SOX5: variants seen among roughly 807,000 people sequenced by gnomAD.
SOX5 encodes transcription factor SOX-5.
A neutral mutation model predicts 92.0 loss-of-function variants in SOX5; 9 were observed. The ratio of observed to expected loss-of-function variants is 0.10; its 90% confidence interval spans 0.06 to 0.17. SOX5 has a LOEUF of 0.17. Ranked by LOEUF, SOX5 falls within the 10% of genes least tolerant of loss-of-function variation. The pLI, the probability that SOX5 is intolerant of heterozygous loss-of-function variation, is 1.00. For missense variants in SOX5, 642 were observed against 944.5 expected, an observed-to-expected ratio of 0.68 and a Z score of 4.20; for synonymous variants, 344 against 336.3, an observed-to-expected ratio of 1.02 and a Z score of -0.25.
In SOX5 at chr12:23,530,812, T is replaced by TGTGTGTGTGTGTGTGG; in HGVS notation, c.*3406_*3407insCCACACACACACACAC. The TGTGTGTGTGTGTGTGG allele has an allele frequency of 7.3e-6, 1 of 137,358 alleles. No individual in the cohort carries two copies. The highest frequency in any genetic ancestry group is 1.6e-5 in the Non-Finnish European group (1 of 62,156). 8.5% of individuals were successfully genotyped at this position (137,358 alleles called of 1,614,324 possible). Reference sequence around the variant, plus strand: ...GTGTTGGGGCAAGTGTGTGTGTGTGTGTGTGTGCGCGCGCGCGCGCGCGCA... The same window carrying TGTGTGTGTGTGTGTGG: ...GTGTTGGGGCAAGTGTGTGTGTGTGTGTGTGTGTGTGTGTGGGTGTGTGCGCGCGCGCGCGCGCGCA... On this transcript the variant is annotated 3_prime_UTR_variant, in exon 15 of 15. Coordinates refer to ENST00000451604, the MANE Select transcript of SOX5 (RefSeq NM_006940.6).
At chr12:23,862,962 A>G (rs932570560) in intron 2 of SOX5, among the ~76,000 whole-genome samples, 2 of 152,220 alleles carry the variant, frequency 1.3e-5, no homozygotes, top group Non-Finnish European at 2.9e-5. Context: ...AGGGATGTCA[A>G]TAGCAGGTCT....
At chr12:24,508,336 G>A (rs754387225) in intron 1 of SOX5, among the ~76,000 whole-genome samples, 14 of 152,006 alleles carry the variant, frequency 9.2e-5, no homozygotes, top group Non-Finnish European at 2.9e-5. Flanking sequence ...CAGGAATAAG[G>A]TAGGGGGCCA....
intron 9 of SOX5, among the ~76,000 whole-genome samples, chr12:23,597,322 G>A (rs1386180909): frequency 6.6e-6 from 1 of 152,022 alleles, no homozygotes; most frequent in Non-Finnish European, 1.5e-5. Flanking sequence ...AATTTTTATT[G>A]TTTTTATGGT....
chr12:24,440,824 G>T (rs976941405), intron 1 of SOX5, among the ~76,000 whole-genome samples: 1 of 152,138 alleles, frequency 6.6e-6, no homozygotes, highest in African/African-American at 2.4e-5. Context: ...TAAACAGATG[G>T]TTTGACCCAC....
intron 1 of SOX5, among the ~76,000 whole-genome samples, chr12:23,917,480 G>A (rs904881797): frequency 6.6e-6 from 1 of 152,168 alleles, no homozygotes; most frequent in African/African-American, 2.4e-5. Context: ...TTGAGCCGGG[G>A]AGGCAGAGGT....
intron 6 of SOX5, among the ~76,000 whole-genome samples, chr12:23,688,950 A>C (rs1307205128): frequency 6.6e-6 from 1 of 152,162 alleles, no homozygotes; most frequent in Non-Finnish European, 1.5e-5. Context: ...GAATTTTTGT[A>C]CAACTTTTCC....
At chr12:24,240,127 T>C (rs558618378) in intron 3 of SOX5, among the ~76,000 whole-genome samples, 34 of 152,336 alleles carry the variant, frequency 2.2e-4, no homozygotes, top group African/African-American at 8.2e-4. Flanking sequence ...GTAGTGGTTG[T>C]ATTAATATTA....
chr12:23,557,288 T>A (rs1359794429), intron 11 of SOX5, among the ~76,000 whole-genome samples: 2 of 152,192 alleles, frequency 1.3e-5, no homozygotes, highest in African/African-American at 4.8e-5. Context: ...AATATACATG[T>A]TATTTACCAA....
At chr12:23,785,891 T>C (rs1369733233) in intron 3 of SOX5, among the ~76,000 whole-genome samples, 2 of 152,106 alleles carry the variant, frequency 1.3e-5, no homozygotes, top group South Asian at 2.1e-4. Context: ...ATTTTTTTCA[T>C]GGTGTTGTTA....
At chr12:23,951,017 G>A (rs183633918), upstream of SOX5, 290 of 681,648 alleles carry the variant, frequency 4.3e-4, 1 homozygote, top group African/African-American at 4.7e-3. Flanking sequence ...ACTCACGCAC[G>A]CTCTCCACTC....
intron 4 of SOX5, among the ~76,000 whole-genome samples, chr12:24,181,267 T>C (rs1288041244): frequency 6.6e-6 from 1 of 152,228 alleles, no homozygotes; most frequent in East Asian, 1.9e-4. Context: ...GCAAATTAGA[T>C]AATGCCTACT....
At chr12:23,889,774 A>G (rs753122364) in intron 2 of SOX5, among the ~76,000 whole-genome samples, 4 of 152,172 alleles carry the variant, frequency 2.6e-5, no homozygotes. Flanking sequence ...TTGCTTTATG[A>G]TCATTAGTGT....
chr12:24,399,022 C>T (rs984934816), intron 1 of SOX5, among the ~76,000 whole-genome samples: 2 of 152,112 alleles, frequency 1.3e-5, no homozygotes, highest in African/African-American at 4.8e-5. Flanking sequence ...AATTTTAGAC[C>T]ACAGCAGCCC....
intron 8 of SOX5, among the ~76,000 whole-genome samples, chr12:23,621,744 A>G (rs1234736026): frequency 1.3e-5 from 2 of 152,152 alleles, no homozygotes; most frequent in Non-Finnish European, 2.9e-5. Flanking sequence ...TAAATCAACC[A>G]AATCCAGTAA....
At chr12:23,648,488 T>G (rs2081156614) in intron 7 of SOX5, among the ~76,000 whole-genome samples, 1 of 152,212 alleles carries the variant, frequency 6.6e-6, no homozygotes, top group Non-Finnish European at 1.5e-5. Context: ...AAAGAGCTAA[T>G]TTAAGATAAA....
At chr12:23,818,063 G>A (rs1353103007) in intron 3 of SOX5, among the ~76,000 whole-genome samples, 1 of 152,170 alleles carries the variant, frequency 6.6e-6, no homozygotes, top group Non-Finnish European at 1.5e-5. Flanking sequence ...CGAATCATAA[G>A]GTAATGAACA....
At chr12:24,331,171 G>A (rs891306443) in intron 2 of SOX5, 11 of 152,102 alleles carry the variant, frequency 7.2e-5, no homozygotes, top group African/African-American at 2.4e-4. Flanking sequence ...GAAATTGTCC[G>A]AGCTGTTAAA....
chr12:24,223,585 T>G (rs1215706632), intron 3 of SOX5, among the ~76,000 whole-genome samples: 1 of 151,976 alleles, frequency 6.6e-6, no homozygotes, highest in Non-Finnish European at 1.5e-5. Context: ...AAGGCCATCT[T>G]TATACTGAAA....
chr12:24,102,582 A>C (rs916134034), intron 4 of SOX5, among the ~76,000 whole-genome samples: 2 of 152,256 alleles, frequency 1.3e-5, no homozygotes, highest in African/African-American at 4.8e-5. Flanking sequence ...CTTTGGATTT[A>C]ACAATATGGT....
Sources: allele counts gnomAD v4.1 joint callset (sites outside exome capture counted in the v4.1 genomes callset), GRCh38; gene constraint gnomAD v4.1.1; transcripts MANE v1.5; gene names NCBI Gene and HGNC (gene_info 2026-07-23, HGNC 2026-07-21).